Variants in ANKS1B observed in about 807,000 individuals in gnomAD.
The protein encoded by ANKS1B is ankyrin repeat and sterile alpha motif domain-containing protein 1B.
In ANKS1B, 36 loss-of-function variants were observed where a neutral mutation model predicts 148.3. That is an observed-to-expected ratio of 0.24 (90% CI 0.19 to 0.32). The LOEUF is 0.32. Ranked by LOEUF, ANKS1B falls within the 10% of genes least tolerant of loss-of-function variation. The pLI is 1.00. For missense variants in ANKS1B, 1,157 were observed against 1,542.6 expected, an observed-to-expected ratio of 0.75 and a Z score of 4.19; for synonymous variants, 542 against 560.8, an observed-to-expected ratio of 0.97 and a Z score of 0.47.
At chr12:99,191,701 G>A (rs565791969) in intron 14 of ANKS1B, among the ~76,000 whole-genome samples, 232 of 152,260 alleles carry the variant, frequency 1.5e-3, no homozygotes, top group South Asian at 3.7e-3. Context: ...CAGGGAGTAG[G>A]GAACTAGGGG....
intron 14 of ANKS1B, among the ~76,000 whole-genome samples, chr12:99,240,765 G>C (rs571602226): frequency 6.6e-6 from 1 of 152,074 alleles, no homozygotes. Context: ...GCTCAACTAC[G>C]TGGAAACTGA....
chr12:98,894,599 G>A (rs1017492590), intron 17 of ANKS1B: 8 of 984,808 alleles, frequency 8.1e-6, no homozygotes, highest in South Asian at 4.7e-5. Flanking sequence ...CGGGGGCCGC[G>A]GAGCGAGGGG....
At chr12:98,876,853 A>G (rs1162142212) in intron 17 of ANKS1B, among the ~76,000 whole-genome samples, 1 of 152,240 alleles carries the variant, frequency 6.6e-6, no homozygotes, top group Non-Finnish European at 1.5e-5. Context: ...GATATTTTAG[A>G]CTGCTTTCTT....
intron 14 of ANKS1B, among the ~76,000 whole-genome samples, chr12:99,208,210 C>T (rs1256358314): frequency 6.6e-6 from 1 of 152,002 alleles, no homozygotes; most frequent in Non-Finnish European, 1.5e-5. Flanking sequence ...AAAACTGAAT[C>T]CTCTCTATTA....
chr12:99,746,948 T>A (rs1179151135), intron 8 of ANKS1B, among the ~76,000 whole-genome samples: 1 of 152,088 alleles, frequency 6.6e-6, no homozygotes, highest in Admixed American at 6.6e-5. Context: ...TATAAATTAC[T>A]AAATTCAGTG....
At chr12:99,666,161 C>G (rs1406688355) in intron 8 of ANKS1B, among the ~76,000 whole-genome samples, 1 of 152,146 alleles carries the variant, frequency 6.6e-6, no homozygotes, top group Non-Finnish European at 1.5e-5. Context: ...CTACTTTGTT[C>G]TATTGACCTG....
intron 3 of ANKS1B, among the ~76,000 whole-genome samples, chr12:99,808,445 T>A (rs1263369327): frequency 6.6e-6 from 1 of 152,054 alleles, no homozygotes; most frequent in Non-Finnish European, 1.5e-5. Context: ...CAGGGAAAAA[T>A]CTACTCTTTC....
At chr12:99,620,761 A>C (rs2153371873) in intron 9 of ANKS1B, among the ~76,000 whole-genome samples, 1 of 152,316 alleles carries the variant, frequency 6.6e-6, no homozygotes, top group South Asian at 2.1e-4. Flanking sequence ...AAGATTATGT[A>C]AAGTGACCAA....
intron 1 of ANKS1B, among the ~76,000 whole-genome samples, chr12:99,935,179 T>C (rs757439514): frequency 4.6e-5 from 7 of 151,930 alleles, no homozygotes; most frequent in Admixed American, 1.3e-4. Flanking sequence ...TAAGTACCAA[T>C]AAGGGGGTGG....
chr12:99,776,404 A>G (rs545803767), intron 6 of ANKS1B, among the ~76,000 whole-genome samples: 188 of 152,350 alleles, frequency 1.2e-3, no homozygotes, highest in Middle Eastern at 3.4e-3. Flanking sequence ...ATTACAAGTA[A>G]AGGAGGAGTA....
chr12:99,905,178 T>A lies in ANKS1B; in HGVS notation c.134+78926A>T, dbSNP rs556368520. Among the ~76,000 whole-genome samples, 4 of 152,314 alleles carry A rather than the reference T, an allele frequency of 2.6e-5. No individual in the cohort carries two copies. In the East Asian group the frequency reaches 5.8e-4, roughly 22 times the overall value. On this transcript the variant is annotated intron_variant, in intron 1 of 26. Coordinates refer to ENST00000683438, the MANE Select transcript of ANKS1B (RefSeq NM_001352186.2). ...ATTGAGGGTAAAGGGAGTTAATTGTTGGATTACTCTGACTACAGTTACATT... is the reference window on the plus strand; with the variant it reads ...ATTGAGGGTAAAGGGAGTTAATTGTAGGATTACTCTGACTACAGTTACATT...
chr12:98,925,096 C>A (rs534731091), intron 17 of ANKS1B, among the ~76,000 whole-genome samples: 1 of 152,154 alleles, frequency 6.6e-6, no homozygotes, highest in African/African-American at 2.4e-5. Context: ...GAATAATGAG[C>A]TACAGCAGAA....
intron 14 of ANKS1B, among the ~76,000 whole-genome samples, chr12:99,196,497 G>A (rs775623183): frequency 3.9e-5 from 6 of 152,002 alleles, no homozygotes; most frequent in Non-Finnish European, 7.4e-5. Context: ...TACCACCAGG[G>A]CAATCCTGAC....
At chr12:99,546,665 C>G (rs1432540238) in intron 9 of ANKS1B, among the ~76,000 whole-genome samples, 3 of 152,122 alleles carry the variant, frequency 2.0e-5, no homozygotes, top group African/African-American at 7.2e-5. Flanking sequence ...GCTAGACCAC[C>G]CTCTGAAAAC....
At chr12:98,764,941 G>A (rs2098460942) in intron 25 of ANKS1B, among the ~76,000 whole-genome samples, 1 of 152,200 alleles carries the variant, frequency 6.6e-6, no homozygotes, top group Admixed American at 6.5e-5. Flanking sequence ...AGGGATGTGT[G>A]TCTAATGCAT....
At chr12:99,529,787 T>C (rs1031177154) in intron 9 of ANKS1B, among the ~76,000 whole-genome samples, 2 of 148,456 alleles carry the variant, frequency 1.3e-5, no homozygotes, top group African/African-American at 5.3e-5. Flanking sequence ...ATACCTATGT[T>C]ACATATTTAA....
At chr12:99,524,026 T>G (rs1258978474) in intron 9 of ANKS1B, among the ~76,000 whole-genome samples, 1 of 152,226 alleles carries the variant, frequency 6.6e-6, no homozygotes, top group African/African-American at 2.4e-5. Context: ...GTAACACTAA[T>G]ACAAGAGTGT....
chr12:99,978,490 C>G (rs2095654835), intron 1 of ANKS1B, among the ~76,000 whole-genome samples: 1 of 152,238 alleles, frequency 6.6e-6, no homozygotes, highest in African/African-American at 2.4e-5. Flanking sequence ...CCACTTCAAA[C>G]ATCATTACTA....
At chr12:99,338,522 T>C (rs1183930569) in intron 12 of ANKS1B, among the ~76,000 whole-genome samples, 1 of 152,194 alleles carries the variant, frequency 6.6e-6, no homozygotes, top group Non-Finnish European at 1.5e-5. Flanking sequence ...TCTACTCCAC[T>C]GTGACCAAGC....
Sources: allele counts gnomAD v4.1 joint callset (sites outside exome capture counted in the v4.1 genomes callset), GRCh38; gene constraint gnomAD v4.1.1; transcripts MANE v1.5; gene names NCBI Gene and HGNC (gene_info 2026-07-23, HGNC 2026-07-21).